MRTFA: variants seen among roughly 807,000 people sequenced by gnomAD.
MRTFA encodes the protein myocardin-related transcription factor A.
MRTFA carries 20 observed loss-of-function variants against 83.5 expected under a neutral mutation model. The ratio of observed to expected loss-of-function variants is 0.24; its 90% CI spans 0.17 to 0.35. The LOEUF (loss-of-function observed/expected upper bound fraction) is 0.35, where lower values mean the gene tolerates loss of function less well. Among genes scored for constraint, MRTFA ranks in the 10% least tolerant of loss-of-function variants. The pLI is 1.00. For synonymous variants in MRTFA, 659 were observed against 541.2 expected (o/e 1.22, Z -3.02); for missense variants, 1,200 against 1,224.7 (o/e 0.98, Z 0.30).
chr22:40,476,939 T>C (rs908892832), intron 3 of MRTFA, among the ~76,000 whole-genome samples: 11 of 152,240 alleles, frequency 7.2e-5, no homozygotes, highest in Admixed American at 2.6e-4. Flanking sequence ...AGAAAGGGTT[T>C]ACTGTCAACT....
At chr22:40,499,039 T>C (rs572698793) in intron 3 of MRTFA, among the ~76,000 whole-genome samples, 1 of 152,096 alleles carries the variant, frequency 6.6e-6, no homozygotes, top group East Asian at 1.9e-4. Flanking sequence ...GAACAGACAA[T>C]GATGTCCCAC....
At chr22:40,628,060 T>C (rs718193) in intron 1 of MRTFA, among the ~76,000 whole-genome samples, 12,401 of 152,290 alleles carry the variant, frequency 0.081, 745 homozygotes, top group East Asian at 0.25. Flanking sequence ...AAAATGCTGC[T>C]ACTACCACTT....
intron 4 of MRTFA, among the ~76,000 whole-genome samples, chr22:40,447,023 G>C (rs1222849475): frequency 6.6e-6 from 1 of 152,086 alleles, no homozygotes; most frequent in Non-Finnish European, 1.5e-5. Context: ...ATGGGGTGAG[G>C]TCATTTTATA....
intron 5 of MRTFA, 61 bp downstream of exon 5, chr22:40,435,438 C>T: frequency 1.3e-6 from 2 of 1,516,422 alleles, no homozygotes; most frequent in Non-Finnish European, 1.8e-6. Context: ...ATATAACCAG[C>T]AATGCAATGA....
chr22:40,540,402 C>G (rs961097457), intron 3 of MRTFA, among the ~76,000 whole-genome samples: 17 of 152,260 alleles, frequency 1.1e-4, no homozygotes, highest in African/African-American at 4.1e-4. Context: ...ACTCTCCCCA[C>G]CTTTCTCACA....
chr22:40,448,534 AC>A (rs2053426949), intron 4 of MRTFA, among the ~76,000 whole-genome samples: 1 of 152,346 alleles, frequency 6.6e-6, no homozygotes, highest in African/African-American at 2.4e-5. Context: ...ATAACAGACA[AC>A]AGTGATTTTA....
rs2056551487 is a variant in MRTFA, at chr22:40,623,904, C to G, written c.-84+12574G>C. Among the ~76,000 whole-genome samples, 2 of 152,094 alleles carry G rather than the reference C, an allele frequency of 1.3e-5. 1 individual carries two copies. The highest frequency in any genetic ancestry group is 4.1e-4 in the South Asian group (2 of 4,836). ...GATGAGGCGAGAGGATCTCTTGAACCACAATGGGCAACACAAAGAGACTCC... is the reference window on the plus strand; with the variant it reads ...GATGAGGCGAGAGGATCTCTTGAACGACAATGGGCAACACAAAGAGACTCC... On this transcript the variant is annotated intron_variant, in intron 1 of 14. Coordinates refer to ENST00000355630, the MANE Select transcript of MRTFA (RefSeq NM_020831.6).
chr22:40,491,982 C>T (rs1441813451), intron 3 of MRTFA, among the ~76,000 whole-genome samples: 2 of 152,202 alleles, frequency 1.3e-5, no homozygotes, highest in African/African-American at 2.4e-5. Flanking sequence ...CACAAATACT[C>T]GAACCTTCCC....
intron 2 of MRTFA, among the ~76,000 whole-genome samples, chr22:40,555,742 T>G (rs2055512790): frequency 6.6e-6 from 1 of 151,800 alleles, no homozygotes; most frequent in African/African-American, 2.4e-5. Context: ...ATTCACGCCA[T>G]TCTCCTGTCT....
rs771964022 is a variant in MRTFA at position 40,435,540 on chromosome 22, C to A, written c.322G>T (p.Ala108Ser). ...CTCCTTCTCTGCTCATGAAATGCGG[C>A]TGGACTTTTCAAAGCTGTTGAGAGA... Residue 108 changes from alanine (A) to serine (S), a missense_variant, in exon 5 of 15, where the codon GCC becomes TCC. Ala to Ser is a moderately conservative substitution (Grantham distance 99). Coordinates refer to ENST00000355630, the MANE Select transcript of MRTFA (RefSeq NM_020831.6). 1 of 1,614,178 alleles carries A rather than the reference C, an allele frequency of 6.2e-7. No individual in the cohort carries two copies. The highest frequency in any genetic ancestry group is 8.5e-7 in the Non-Finnish European group (1 of 1,180,020).
intron 3 of MRTFA, among the ~76,000 whole-genome samples, chr22:40,530,481 G>C (rs2055058675): frequency 6.6e-6 from 1 of 152,162 alleles, no homozygotes; most frequent in Non-Finnish European, 1.5e-5. Flanking sequence ...ATTTTTAGTA[G>C]AGATGGGGTT....
chr22:40,607,348 C>CA (rs537746099), intron 1 of MRTFA, among the ~76,000 whole-genome samples: 8 of 152,014 alleles, frequency 5.3e-5, no homozygotes, highest in Non-Finnish European at 1.2e-4. Flanking sequence ...ACTAAAAATA[C>CA]AAAAAATTAG....
At position 40,418,554 on chromosome 22, in the gene MRTFA, C is replaced by T. The variant is rs140008214; in HGVS notation, c.2184G>A (p.Leu728=). 8.3e-5 allele frequency: 130 copies of T among 1,573,682 alleles called. 1 individual carries two copies. In the Admixed American group the frequency reaches 1.7e-3, roughly 21 times the overall value. Residue 728 remains leucine, a synonymous_variant, in exon 12 of 15, where the codon TTG becomes TTA. Coordinates refer to ENST00000355630, the MANE Select transcript of MRTFA (RefSeq NM_020831.6). ...CGGGGACCGGCTCGGGCTCAGGCTGCAAGGCTTCCTGCTTCACCACCACGG... is the reference window on the plus strand; with the variant it reads ...CGGGGACCGGCTCGGGCTCAGGCTGTAAGGCTTCCTGCTTCACCACCACGG...
intron 2 of MRTFA, among the ~76,000 whole-genome samples, chr22:40,573,421 A>G (rs539416763): frequency 2.0e-5 from 3 of 151,982 alleles, no homozygotes; most frequent in Non-Finnish European, 4.4e-5. Context: ...CACCTGGCTA[A>G]TTTTTGTATT....
intron 4 of MRTFA, among the ~76,000 whole-genome samples, chr22:40,462,401 T>TA (rs1455038207): frequency 6.6e-6 from 1 of 152,196 alleles, no homozygotes; most frequent in Non-Finnish European, 1.5e-5. Context: ...GACAATGAGT[T>TA]AAAGTGAAAA....
chr22:40,459,396 C>T (rs1231031764), intron 4 of MRTFA, among the ~76,000 whole-genome samples: 3 of 152,044 alleles, frequency 2.0e-5, no homozygotes, highest in African/African-American at 7.3e-5. Flanking sequence ...TTACCTACTT[C>T]CTTCTCTAGA....
chr22:40,498,830 A>G (rs2054406742), intron 3 of MRTFA, among the ~76,000 whole-genome samples: 1 of 152,074 alleles, frequency 6.6e-6, no homozygotes, highest in Non-Finnish European at 1.5e-5. Context: ...AGCTCTTATC[A>G]CCTGTTGCCA....
At chr22:40,590,680 GAAAAAAA>G (rs56366993) in intron 2 of MRTFA, among the ~76,000 whole-genome samples, 1 of 81,362 alleles carries the variant, frequency 1.2e-5, no homozygotes, top group African/African-American at 4.8e-5. Context: ...CTCAAAAAAA[GAAAAAAA>G]AAAAAAAAAG....
intron 3 of MRTFA, among the ~76,000 whole-genome samples, chr22:40,530,876 T>G (rs2055067218): frequency 6.6e-6 from 1 of 152,220 alleles, no homozygotes; most frequent in Non-Finnish European, 1.5e-5. Flanking sequence ...TCAAAATACT[T>G]CGATAAAATC....
Sources: allele counts gnomAD v4.1 joint callset (sites outside exome capture counted in the v4.1 genomes callset), GRCh38; gene constraint gnomAD v4.1.1; transcripts MANE v1.5; gene names NCBI Gene and HGNC (gene_info 2026-07-23, HGNC 2026-07-21).